PTPRE: variants seen among roughly 807,000 people sequenced by gnomAD.
The protein encoded by PTPRE is protein tyrosine phosphatase receptor type E.
PTPRE carries 51 observed loss-of-function variants against 102.0 expected under a neutral mutation model. The observed-to-expected ratio is 0.50, with a 90% CI of 0.40 to 0.63. The LOEUF (loss-of-function observed/expected upper bound fraction) is 0.63, where lower values mean the gene tolerates loss of function less well. PTPRE is among the 30% of genes least tolerant of loss of function. PTPRE has a pLI of 0.00. For synonymous variants in PTPRE, 345 were observed against 348.2 expected, an observed-to-expected ratio of 0.99 and a Z score of 0.10; for missense variants, 752 against 915.1, an observed-to-expected ratio of 0.82 and a Z score of 2.30.
chr10:128,021,771 A>T (rs980575167), intron 2 of PTPRE, among the ~76,000 whole-genome samples: 3 of 152,180 alleles, frequency 2.0e-5, no homozygotes, highest in African/African-American at 7.2e-5. Flanking sequence ...AGGAGGGAAG[A>T]CAGGCCAAAA....
At chr10:127,936,612 G>A (rs2135268134) in intron 1 of PTPRE, among the ~76,000 whole-genome samples, 1 of 152,232 alleles carries the variant, frequency 6.6e-6, no homozygotes, top group South Asian at 2.1e-4. Flanking sequence ...AGAGAATCTG[G>A]CTCTAGAATC....
chr10:127,912,908 G>A (rs1271145232), intron 1 of PTPRE, among the ~76,000 whole-genome samples: 3 of 152,250 alleles, frequency 2.0e-5, no homozygotes, highest in Non-Finnish European at 4.4e-5. Flanking sequence ...GGCCTTCCCT[G>A]CCATGATTTT....
intron 1 of PTPRE, among the ~76,000 whole-genome samples, chr10:127,931,386 C>T (rs532952994): frequency 6.6e-6 from 1 of 152,292 alleles, no homozygotes; most frequent in Non-Finnish European, 1.5e-5. Flanking sequence ...TATTAAGAAC[C>T]TTTGAAAGAC....
chr10:127,949,704 G>T (rs1180410407), intron 1 of PTPRE, among the ~76,000 whole-genome samples: 2 of 152,242 alleles, frequency 1.3e-5, no homozygotes, highest in East Asian at 1.9e-4. Flanking sequence ...TTCTACATGT[G>T]CCCTGGGTCA....
chr10:128,078,552 G>C (rs1216241163), intron 19 of PTPRE, among the ~76,000 whole-genome samples: 1 of 152,182 alleles, frequency 6.6e-6, no homozygotes, highest in East Asian at 1.9e-4. Context: ...TCCATGGCTT[G>C]TCTCACACTG....
intron 20 of PTPRE, among the ~76,000 whole-genome samples, chr10:128,082,195 C>CTTTTTTTTTTTTTTTTTT (rs35709074): frequency 1.1e-5 from 1 of 89,062 alleles, no homozygotes; most frequent in Non-Finnish European, 2.2e-5. Context: ...TTTTCTCTTT[C>CTTTTTTTTTTTTTTTTTT]TTTTTTTTTT....
At chr10:127,932,206 A>G (rs965936283) in intron 1 of PTPRE, among the ~76,000 whole-genome samples, 4 of 152,236 alleles carry the variant, frequency 2.6e-5, no homozygotes, top group African/African-American at 9.6e-5. Context: ...AAAACATTGA[A>G]AAAGCAAATT....
intron 1 of PTPRE, among the ~76,000 whole-genome samples, chr10:127,930,990 G>A (rs923784729): frequency 1.3e-5 from 2 of 151,812 alleles, no homozygotes; most frequent in African/African-American, 2.4e-5. Flanking sequence ...ACGGGGTTTC[G>A]CCATGTTGGT....
In PTPRE at chr10:127,944,014, T is replaced by C. The variant is rs779542178; in HGVS notation, c.-31+36705T>C. 6.6e-6 allele frequency among the ~76,000 whole-genome samples: 1 copy of C among 152,116 alleles called. No individual in the cohort carries two copies. Among genetic ancestry groups the C allele is most frequent in the Non-Finnish European group, 1.5e-5 (1 of 68,020 alleles). On this transcript the variant is annotated intron_variant, in intron 1 of 20. Coordinates refer to ENST00000254667, the MANE Select transcript of PTPRE (RefSeq NM_006504.6). This position sits in a 1 kb window ranked among gnomAD's most constrained non-coding sequence, Gnocchi z 4.2. ...GAAGCAATAGTGTTGGCCCAACAAG[T>C]GGGGCATTTGTGCACGACAGAACCT...
At chr10:128,005,880 A>G (rs1391354535) in intron 2 of PTPRE, among the ~76,000 whole-genome samples, 1 of 152,104 alleles carries the variant, frequency 6.6e-6, no homozygotes, top group Non-Finnish European at 1.5e-5. Flanking sequence ...TCCCTCCTCC[A>G]GAGTCCATTG....
At chr10:128,006,590 T>C (rs1237343873) in intron 2 of PTPRE, among the ~76,000 whole-genome samples, 1 of 152,212 alleles carries the variant, frequency 6.6e-6, no homozygotes, top group Non-Finnish European at 1.5e-5. Flanking sequence ...CCGTCTTTAT[T>C]GCAAACTTCA....
At chr10:128,010,492 ACTTC>A (rs1844889752) in intron 2 of PTPRE, among the ~76,000 whole-genome samples, 1 of 150,664 alleles carries the variant, frequency 6.6e-6, no homozygotes, top group African/African-American at 2.4e-5. Flanking sequence ...TCTCTCTCCT[ACTTC>A]CTTCTCCTCT....
chr10:128,010,622 G>A (rs1589996983), intron 2 of PTPRE, among the ~76,000 whole-genome samples: 1 of 127,862 alleles, frequency 7.8e-6, no homozygotes, highest in African/African-American at 3.0e-5. Context: ...TCGCTCTGTC[G>A]CCCAGGCTGG....
intron 7 of PTPRE, among the ~76,000 whole-genome samples, chr10:128,057,271 G>A (rs920802782): frequency 2.6e-5 from 4 of 151,652 alleles, no homozygotes; most frequent in African/African-American, 9.7e-5. Context: ...TGCAGTTGGG[G>A]ATCCTTCACC....
chr10:127,985,906 C>G (rs1852047916), intron 2 of PTPRE, among the ~76,000 whole-genome samples: 1 of 152,056 alleles, frequency 6.6e-6, no homozygotes, highest in South Asian at 2.1e-4. Flanking sequence ...GCCTGGCCAA[C>G]ATGGTGAAAG....
chr10:127,936,227 A>G (rs531720502), intron 1 of PTPRE: 25 of 152,340 alleles, frequency 1.6e-4, no homozygotes, highest in African/African-American at 4.6e-4. Flanking sequence ...CTTACACTTT[A>G]AAAAGACAAA....
At chr10:127,945,863 A>G (rs1848584209) in intron 1 of PTPRE, among the ~76,000 whole-genome samples, 6 of 152,070 alleles carry the variant, frequency 3.9e-5, no homozygotes, top group Admixed American at 3.9e-4. Flanking sequence ...CGCTGACATC[A>G]TGGAGTTCTC....
chr10:128,051,912 G>A (rs1848596066), intron 6 of PTPRE, among the ~76,000 whole-genome samples: 1 of 152,190 alleles, frequency 6.6e-6, no homozygotes, highest in Non-Finnish European at 1.5e-5. Flanking sequence ...CTCCCAGGCT[G>A]GAGTGCAGGG....
intron 2 of PTPRE, among the ~76,000 whole-genome samples, chr10:128,030,867 A>G (rs1282586401): frequency 6.6e-6 from 1 of 152,050 alleles, no homozygotes; most frequent in African/African-American, 2.4e-5. Flanking sequence ...CTTTCTCCCC[A>G]GGCAGCCCTC....
Sources: gnomAD v4.1 joint callset for allele counts (sites outside exome capture counted in the v4.1 genomes callset) on GRCh38, gnomAD v4.1.1 for gene constraint, Gnocchi (gnomAD v3.1) non-coding constraint, MANE v1.5 for transcripts, NCBI Gene and HGNC (gene_info 2026-07-23, HGNC 2026-07-21) for gene names.